The following EPHA2 variants were observed in gnomAD, a reference collection of about 807,000 sequenced individuals.
EPHA2 encodes the protein ephrin type-A receptor 2.
EPHA2 carries 54 observed loss-of-function variants against 104.9 expected under a neutral mutation model. The observed-to-expected ratio is 0.51, with a 90% CI of 0.41 to 0.65. The LOEUF is 0.65. Among genes scored for constraint, EPHA2 ranks in the 30% least tolerant of loss-of-function variants. The probability of loss-of-function intolerance (pLI) is 0.00; values close to 1 mark genes in which losing one functional copy is unlikely to be tolerated. For missense variants in EPHA2, 1,117 were observed against 1,369.5 expected (o/e 0.82, Z 2.91); for synonymous variants, 560 against 559.1 (o/e 1.00, Z -0.02).
chr1:16,132,408 C>T lies in EPHA2; in HGVS notation c.2085G>A (p.Met695Ile). Reference protein sequence around the residue: ...YKPMMIITEYMENGALDKFLR... With the variant: ...YKPMMIITEYIENGALDKFLR... ...GGAACTTGTCCAGGGCCCCATTCTC[C>T]ATGTACTCAGTGATGATCATCATGG... is the stretch of plus-strand genomic sequence containing the variant. Residue 695 changes from methionine (M) to isoleucine (I), a missense_variant, in exon 12 of 17, where the codon ATG becomes ATA. Coordinates refer to ENST00000358432, the MANE Select transcript of EPHA2 (RefSeq NM_004431.5). 1 of 1,614,134 alleles carries T rather than the reference C, an allele frequency of 6.2e-7. No homozygotes were observed. Among genetic ancestry groups the T allele is most frequent in the Non-Finnish European group, 8.5e-7 (1 of 1,180,028 alleles).
In EPHA2 at chr1:16,135,703, C is replaced by T. The variant is rs767195093; in HGVS notation, c.1380G>A (p.Pro460=). ...TSLSVSWSIP[P]PQQSRVWKYE... is the part of the protein sequence containing the mutation. ...ACTTCCACACTCGGCTCTGCTGCGGCGGGGGGATGCTCCAGGAGACGCTAA... is the reference window on the plus strand; with the variant it reads ...ACTTCCACACTCGGCTCTGCTGCGGTGGGGGGATGCTCCAGGAGACGCTAA... The change falls in exon 6 of 17, where the codon CCG becomes CCA. Residue 460 remains proline (P), a synonymous_variant. Coordinates refer to ENST00000358432, the MANE Select transcript of EPHA2 (RefSeq NM_004431.5). This position sits in a 1 kb window ranked among gnomAD's most constrained non-coding sequence, Gnocchi z 4.3. 3.2e-5 allele frequency: 51 copies of T among 1,613,520 alleles called. No individual in the cohort carries two copies. The highest frequency in any genetic ancestry group is 1.6e-4 in the Middle Eastern group (1 of 6,084).
chr1:16,141,829 G>A (rs1321211988), intron 3 of EPHA2, among the ~76,000 whole-genome samples: 1 of 152,258 alleles, frequency 6.6e-6, no homozygotes, highest in Non-Finnish European at 1.5e-5. Flanking sequence ...GGATGTGCCA[G>A]ATAATACAGC....
chr1:16,145,671 GC>G (rs1355957088), intron 3 of EPHA2, among the ~76,000 whole-genome samples: 1 of 152,010 alleles, frequency 6.6e-6, no homozygotes, highest in African/African-American at 2.4e-5. Flanking sequence ...CTCCAACAGA[GC>G]CCCCAAGCCC....
chr1:16,127,082 A>G, intron 16 of EPHA2, among the ~76,000 whole-genome samples: 1 of 152,204 alleles, frequency 6.6e-6, no homozygotes, highest in Non-Finnish European at 1.5e-5. Context: ...GGCCCTGCGT[A>G]GAAAACTCCA....
At chr1:16,126,067 G>T (rs528513776) in intron 16 of EPHA2, among the ~76,000 whole-genome samples, 1 of 152,276 alleles carries the variant, frequency 6.6e-6, no homozygotes, top group African/African-American at 2.4e-5. Context: ...GGGAGCTACT[G>T]TCCATCTGGA....
intron 3 of EPHA2, among the ~76,000 whole-genome samples, chr1:16,145,675 C>T (rs939922682): frequency 6.6e-6 from 1 of 152,092 alleles, no homozygotes; most frequent in Non-Finnish European, 1.5e-5. Flanking sequence ...AACAGAGCCC[C>T]CAAGCCCCTG....
At position 16,124,705 on chromosome 1, in the gene EPHA2, C is replaced by T. The variant is rs144559615; in HGVS notation, c.*510G>A. ...CCAGGAAAGCAAGGGTTTGGCCAGT[C>T]AGGGATGAGGATGGGGCCCGAGGGT... On this transcript the variant is annotated 3_prime_UTR_variant, in exon 17 of 17. Transcript: ENST00000358432. 3.3e-4 allele frequency: 53 copies of T among 159,354 alleles called. 1 individual carries two copies. In the East Asian group the frequency reaches 8.8e-3, roughly 26 times the overall value. The allele number at this position is 159,354 out of a possible 1,614,324, so 9.9% of individuals were successfully genotyped here.
At chr1:16,127,831 C>T in intron 16 of EPHA2, among the ~76,000 whole-genome samples, 1 of 152,200 alleles carries the variant, frequency 6.6e-6, no homozygotes, top group Non-Finnish European at 1.5e-5. Context: ...CACACACACA[C>T]AGCCTCCATC....
At chr1:16,138,810 C>T (rs1569578616) in intron 3 of EPHA2, among the ~76,000 whole-genome samples, 2 of 152,216 alleles carry the variant, frequency 1.3e-5, no homozygotes, top group East Asian at 3.9e-4. Flanking sequence ...ATCCCCTTTC[C>T]TCCATGCAGA....
chr1:16,148,935 C>T lies in EPHA2; in HGVS notation c.266G>A (p.Gly89Glu). The T allele has an allele frequency of 6.2e-7, 1 of 1,614,148 alleles. No individual in the cohort carries two copies. Among genetic ancestry groups the T allele is most frequent in the South Asian group, 1.1e-5 (1 of 91,086 alleles). Residue 89 changes from glycine to glutamate, a missense_variant, in exon 3 of 17, where the codon GGA becomes GAA. Physicochemically the swap from Gly to Glu is moderately conservative, Grantham distance 98. Transcript: ENST00000358432. The surrounding 1 kb of genome is among the most constrained non-coding windows in gnomAD (Gnocchi z 4.9). ...CTCAATGAAGATACGCTCAGCCTCT[C>T]CTCGGTACACCCAGTTGGTGCGGAG... The part of the protein sequence containing the change: ...NWLRTNWVYR[G>E]EAERIFIELK...
rs1221768351 is a variant in EPHA2, at chr1:16,132,432, G to A, written c.2061C>T (p.Pro687=). The change falls in exon 12 of 17, where the codon CCC becomes CCT. Residue 687 remains proline, a synonymous_variant. Coordinates refer to ENST00000358432, the MANE Select transcript of EPHA2 (RefSeq NM_004431.5). ...RLEGVISKYK[P]MMIITEYMEN... is the part of the protein sequence containing the mutation. ...CCATGTACTCAGTGATGATCATCAT[G>A]GGCTTGTCTGTAGGGGGGTGGGCAC... 1 of 1,613,980 alleles carries A rather than the reference G, an allele frequency of 6.2e-7. No individual in the cohort carries two copies. The highest frequency in any genetic ancestry group is 1.7e-5 in the Admixed American group (1 of 60,024).
rs746820979 is a variant in EPHA2 at position 16,137,965 on chromosome 1, G to A, written c.1200C>T (p.Ser400=). The change falls in exon 5 of 17, where the codon AGC becomes AGT. Residue 400 remains serine, a synonymous_variant. Transcript: ENST00000358432. ...HGLTRTSVTV[S]DLEPHMNYTF... Reference sequence around the variant, plus strand: ...TGTAGTTCATGTGGGGCTCCAGGTCGCTCACTGTCACACTGGTGCGGGTCA... The same window carrying A: ...TGTAGTTCATGTGGGGCTCCAGGTCACTCACTGTCACACTGGTGCGGGTCA... 4.0e-5 allele frequency: 65 copies of A among 1,614,028 alleles called. No individual in the cohort carries two copies. The highest frequency in any genetic ancestry group is 5.3e-5 in the African/African-American group (4 of 74,948).
At chr1:16,138,221 C>T (rs1245647516) in intron 4 of EPHA2, 36 bp from the exon 5 acceptor site, 5 of 1,611,728 alleles carry the variant, frequency 3.1e-6, no homozygotes, top group Non-Finnish European at 3.4e-6. Context: ...TGTGCTGGAC[C>T]CAGGCGGACA....
rs778369677 is a variant in EPHA2, at chr1:16,138,051, C to T, written c.1114G>A (p.Glu372Lys). The T allele has an allele frequency of 3.7e-6, 6 of 1,613,172 alleles. No homozygotes were observed. Among genetic ancestry groups the T allele is most frequent in the East Asian group, 2.2e-5 (1 of 44,878 alleles). The change falls in exon 5 of 17, where the codon GAG (glutamate) becomes AAG (lysine). Residue 372 changes from glutamate (E) to lysine (K), a missense_variant. This residue lies in a region of EPHA2 where 664 missense variants were observed against 784.8 expected (regional missense o/e 0.85). Coordinates refer to ENST00000358432, the MANE Select transcript of EPHA2 (RefSeq NM_004431.5). ...TCACACGGCCCGCATTCCCCAGACT[C>T]GGGCCAGCACTGTTCGCAGGTGACG... ...YSVTCEQCWPESGECGPCEAS... is the reference protein window; with the variant it reads ...YSVTCEQCWPKSGECGPCEAS...
At chr1:16,132,779 AG>A (rs2024600354) in intron 11 of EPHA2, among the ~76,000 whole-genome samples, 3 of 85,136 alleles carry the variant, frequency 3.5e-5, no homozygotes, top group Admixed American at 1.2e-4. Context: ...GGTATCGGGG[AG>A]AGGTGGGCAC....
At position 16,138,172 on chromosome 1, in the gene EPHA2, G is replaced by A. The variant is rs781677363; in HGVS notation, c.993C>T (p.Ala331=). Residue 331 remains alanine (A), a synonymous_variant, in exon 5 of 17, where the codon GCC becomes GCT. Transcript: ENST00000358432. The part of the protein sequence containing the change: ...ASMPCTRPPS[A]PHYLTAVGMG... ...TGCCCACGGCTGTGAGGTAGTGTGGGGCGGAGGGGGGTCCTGCACAGACAG... is the reference window on the plus strand; with the variant it reads ...TGCCCACGGCTGTGAGGTAGTGTGGAGCGGAGGGGGGTCCTGCACAGACAG... 6.2e-7 allele frequency: 1 copy of A among 1,609,362 alleles called. No homozygotes were observed. Among genetic ancestry groups the A allele is most frequent in the Non-Finnish European group, 8.5e-7 (1 of 1,179,916 alleles).
At chr1:16,137,785 A>G in intron 5 of EPHA2, 68 bp downstream of exon 5, 1 of 1,587,502 alleles carries the variant, frequency 6.3e-7, no homozygotes, top group Non-Finnish European at 8.6e-7. Flanking sequence ...CGAGCCCCAG[A>G]TGGCCGTCCT....
intron 5 of EPHA2, among the ~76,000 whole-genome samples, chr1:16,136,947 C>A (rs375288631): frequency 6.6e-6 from 1 of 151,434 alleles, no homozygotes; most frequent in Non-Finnish European, 1.5e-5. Flanking sequence ...TACAGGCATG[C>A]GCCACCACAC....
intron 3 of EPHA2, among the ~76,000 whole-genome samples, chr1:16,147,281 T>C (rs1276046564): frequency 1.3e-5 from 2 of 151,842 alleles, no homozygotes; most frequent in Non-Finnish European, 2.9e-5. Context: ...TCAATAGAGG[T>C]CCCAATGGGA....
Sources: allele counts gnomAD v4.1 joint callset (sites outside exome capture counted in the v4.1 genomes callset), GRCh38; gene constraint gnomAD v4.1.1; regional missense constraint gnomAD v4.1.1; non-coding constraint Gnocchi (gnomAD v3.1); transcripts MANE v1.5; gene names NCBI Gene and HGNC (gene_info 2026-07-23, HGNC 2026-07-21).